Variants in TBC1D8 observed in about 807,000 individuals in gnomAD.
The protein encoded by TBC1D8 is BUB2-like protein 1.
A neutral mutation model predicts 118.8 loss-of-function variants in TBC1D8; 65 were observed. The ratio of observed to expected loss-of-function variants is 0.55; its 90% confidence interval spans 0.45 to 0.67. The LOEUF (loss-of-function observed/expected upper bound fraction) is 0.67, where lower values mean the gene tolerates loss of function less well. Among genes scored for constraint, TBC1D8 ranks in the 30% least tolerant of loss-of-function variants. The pLI, the probability that TBC1D8 is intolerant of heterozygous loss-of-function variation, is 0.00. For missense variants in TBC1D8, 1,376 were observed against 1,471.2 expected, an observed-to-expected ratio of 0.94 and a Z score of 1.06; for synonymous variants, 566 against 595.8, an observed-to-expected ratio of 0.95 and a Z score of 0.73.
chr2:101,069,746 A>T (rs1683207351), intron 2 of TBC1D8, among the ~76,000 whole-genome samples: 1 of 152,214 alleles, frequency 6.6e-6, no homozygotes, highest in South Asian at 2.1e-4. Flanking sequence ...TCTGGTTTGT[A>T]TTAAACATAG....
chr2:101,015,447 C>T (rs1186733679), intron 17 of TBC1D8, among the ~76,000 whole-genome samples: 1 of 152,136 alleles, frequency 6.6e-6, no homozygotes. Flanking sequence ...ATAAATTAAC[C>T]TCAGCTTACT....
intron 13 of TBC1D8, 65 bp downstream of exon 13, chr2:101,028,237 TC>T (rs1558632448): frequency 6.5e-7 from 1 of 1,531,388 alleles, no homozygotes; most frequent in South Asian, 1.2e-5. Flanking sequence ...TCCACATCCA[TC>T]CCCCAGTCAC....
intron 2 of TBC1D8, among the ~76,000 whole-genome samples, chr2:101,078,231 T>C (rs959964761): frequency 3.3e-5 from 5 of 152,186 alleles, no homozygotes; most frequent in African/African-American, 7.2e-5. Flanking sequence ...AAACTCTTTA[T>C]TGCAATTCCC....
intron 1 of TBC1D8, among the ~76,000 whole-genome samples, chr2:101,107,416 A>C (rs1476454340): frequency 1.3e-5 from 2 of 152,148 alleles, no homozygotes; most frequent in Non-Finnish European, 2.9e-5. Flanking sequence ...GTGGGCAGGC[A>C]CTATCCAATT....
rs1463963397 is a variant in TBC1D8, at chr2:101,022,572, C to T, written c.2521-51G>A. 1.1e-5 allele frequency: 17 copies of T among 1,561,596 alleles called. No homozygotes were observed. The Admixed American group carries it at 1.5e-4, about 14-fold the overall frequency. On this transcript the variant is annotated intron_variant, in intron 15 of 19. Coordinates refer to ENST00000409318, the MANE Select transcript of TBC1D8 (RefSeq NM_001330348.2). ...TTCTTACCACTTATTGAACAAGCCACGTTATTAACACAAACAAATACAATA... is the reference window on the plus strand; with the variant it reads ...TTCTTACCACTTATTGAACAAGCCATGTTATTAACACAAACAAATACAATA...
chr2:101,018,869 C>A lies in TBC1D8; in HGVS notation c.2827+2812G>T, dbSNP rs1236961887. The A allele has an allele frequency of 2.1e-5, 25 of 1,201,376 alleles. No homozygotes were observed. The Admixed American group carries it at 5.8e-4, about 28-fold the overall frequency. The allele number at this position is 1,201,376 out of a possible 1,614,324, so 74.4% of individuals were successfully genotyped here. ...AGTCCAATTAGTATAATTAACTAAGCAAAATGGCCAATATCCGTAGGTTTA... is the reference window on the plus strand; with the variant it reads ...AGTCCAATTAGTATAATTAACTAAGAAAAATGGCCAATATCCGTAGGTTTA... On this transcript the variant is annotated intron_variant, in intron 17 of 19. Transcript: ENST00000409318.
chr2:101,048,147 G>A (rs974668127), intron 5 of TBC1D8, among the ~76,000 whole-genome samples: 2 of 152,214 alleles, frequency 1.3e-5, no homozygotes, highest in African/African-American at 4.8e-5. Context: ...TGGTGCTCCT[G>A]TGAGCCCTCT....
intron 15 of TBC1D8, among the ~76,000 whole-genome samples, chr2:101,026,081 G>C (rs545712584): frequency 6.6e-6 from 1 of 152,276 alleles, no homozygotes; most frequent in African/African-American, 2.4e-5. Flanking sequence ...GAACGATGTG[G>C]CTGGTACTTA....
intron 2 of TBC1D8, among the ~76,000 whole-genome samples, chr2:101,065,192 G>GA (rs1030805311): frequency 3.3e-5 from 5 of 152,172 alleles, no homozygotes; most frequent in Non-Finnish European, 5.9e-5. Flanking sequence ...ATATCCAACT[G>GA]AATTAAGTGC....
At chr2:101,075,896 T>C (rs1674784236) in intron 2 of TBC1D8, among the ~76,000 whole-genome samples, 1 of 152,246 alleles carries the variant, frequency 6.6e-6, no homozygotes, top group African/African-American at 2.4e-5. Context: ...TCCTGGCTTG[T>C]AGTGTTCACT....
chr2:101,029,946 G>C (rs1680573735), intron 11 of TBC1D8, 170 bp from the exon 12 acceptor site: 1 of 628,568 alleles, frequency 1.6e-6, no homozygotes, highest in South Asian at 2.5e-5. Context: ...GTAATTCAAT[G>C]GGTAAAAGAT....
chr2:101,118,810 C>A (rs1677968354), intron 1 of TBC1D8, among the ~76,000 whole-genome samples: 2 of 152,048 alleles, frequency 1.3e-5, no homozygotes, highest in Admixed American at 1.3e-4. Flanking sequence ...GAGTTCGAGA[C>A]CAGACCGGGC....
chr2:101,026,119 A>G (rs1558630464), intron 15 of TBC1D8, among the ~76,000 whole-genome samples: 1 of 152,184 alleles, frequency 6.6e-6, no homozygotes, highest in Non-Finnish European at 1.5e-5. Context: ...TGTGAATTTA[A>G]AGCCATCCTT....
rs1204302516 is a variant in TBC1D8, at chr2:101,090,265, G to C, written c.227C>G (p.Pro76Arg). 1.2e-6 allele frequency: 2 copies of C among 1,613,970 alleles called. No homozygotes were observed. The highest frequency in any genetic ancestry group is 3.3e-5 in the Admixed American group (2 of 60,010). ...ATTCAGTAACTCACCACATGCTATGGGAGAATAAACCTGGGAGCCGGGAAC... is the reference window on the plus strand; with the variant it reads ...ATTCAGTAACTCACCACATGCTATGCGAGAATAAACCTGGGAGCCGGGAAC... ...LQVPGSQVYS[P>R]IACGELLNGS... is the part of the protein sequence containing the mutation. Residue 76 changes from proline (P) to arginine (R), a missense_variant, in exon 2 of 20, where the codon CCC becomes CGC. By Grantham distance (103) the Pro-to-Arg change is moderately radical. Coordinates refer to ENST00000409318, the MANE Select transcript of TBC1D8 (RefSeq NM_001330348.2).
intron 1 of TBC1D8, among the ~76,000 whole-genome samples, chr2:101,143,632 T>G (rs563777828): frequency 6.6e-6 from 1 of 152,256 alleles, no homozygotes; most frequent in South Asian, 2.1e-4. Flanking sequence ...CGATCACAGT[T>G]CACTGCAGCC....
rs375402612 is a variant in TBC1D8, at chr2:101,054,304, G to A, written c.435C>T (p.Leu145=). 3.8e-4 allele frequency: 602 copies of A among 1,574,070 alleles called. No individual in the cohort carries two copies. Among genetic ancestry groups the A allele is most frequent in the Middle Eastern group, 1.2e-3 (7 of 6,016 alleles). Residue 145 remains leucine (L), a synonymous_variant, in exon 4 of 20, where the codon CTC becomes CTT. Transcript: ENST00000409318. ...TCTCGGGTTCCTCCTCCTGCTCGGCGAGCCTGCTGCTGGTCTCCTCGGCTA... is the reference window on the plus strand; with the variant it reads ...TCTCGGGTTCCTCCTCCTGCTCGGCAAGCCTGCTGCTGGTCTCCTCGGCTA... ...ALIAEETSSR[L]AEQEEEPEKF...
chr2:101,086,786 C>CT (rs1392545253), intron 2 of TBC1D8, among the ~76,000 whole-genome samples: 1 of 152,038 alleles, frequency 6.6e-6, no homozygotes, highest in South Asian at 2.1e-4. Context: ...AAAAAAATTT[C>CT]TTTTTTTCTT....
At chr2:101,008,908 C>T (rs1678960230) in intron 19 of TBC1D8, among the ~76,000 whole-genome samples, 1 of 152,112 alleles carries the variant, frequency 6.6e-6, no homozygotes, top group South Asian at 2.1e-4. Flanking sequence ...ACAGCTGAAA[C>T]GCTATAAAGT....
At chr2:101,017,652 CT>C (rs991862851) in intron 17 of TBC1D8, among the ~76,000 whole-genome samples, 4 of 152,200 alleles carry the variant, frequency 2.6e-5, no homozygotes, top group Non-Finnish European at 5.9e-5. Flanking sequence ...GTGCAAAGAT[CT>C]TGTGTATTTC....
Sources: gnomAD v4.1 joint callset for allele counts (sites outside exome capture counted in the v4.1 genomes callset) on GRCh38, gnomAD v4.1.1 for gene constraint, MANE v1.5 for transcripts, NCBI Gene and HGNC (gene_info 2026-07-23, HGNC 2026-07-21) for gene names.